Variants in TGM3 observed in about 807,000 individuals in gnomAD.
TGM3 encodes protein-glutamine gamma-glutamyltransferase E.
In TGM3, 52 loss-of-function variants were observed where a neutral mutation model predicts 73.8. The ratio of observed to expected loss-of-function variants is 0.70; its 90% CI spans 0.56 to 0.89. TGM3 has a LOEUF of 0.89. TGM3 is among the 40% of genes least tolerant of loss of function. The pLI is 0.00. For missense variants in TGM3, 928 were observed against 909.9 expected, an observed-to-expected ratio of 1.02 and a Z score of -0.26; for synonymous variants, 372 against 354.9, an observed-to-expected ratio of 1.05 and a Z score of -0.54.
chr20:2,302,491 G>T (rs2084153770), intron 1 of TGM3, among the ~76,000 whole-genome samples: 1 of 152,102 alleles, frequency 6.6e-6, no homozygotes, highest in South Asian at 2.1e-4. Context: ...CGAAAGGCCT[G>T]GAACCAGGCA....
At chr20:2,325,444 A>G (rs2084281418) in intron 7 of TGM3, among the ~76,000 whole-genome samples, 1 of 152,096 alleles carries the variant, frequency 6.6e-6, no homozygotes, top group African/African-American at 2.4e-5. Context: ...ACAGAAGCAT[A>G]CCCCGCCAGG....
At chr20:2,313,154 A>C in intron 5 of TGM3, 128 bp downstream of exon 5, 1 of 1,346,500 alleles carries the variant, frequency 7.4e-7, no homozygotes, top group Non-Finnish European at 1.0e-6. Context: ...GGTGGTTAGA[A>C]CCATCCACAT....
intron 5 of TGM3, 76 bp from the exon 6 acceptor site, chr20:2,316,992 C>T (rs1035508375): frequency 6.5e-7 from 1 of 1,543,026 alleles, no homozygotes; most frequent in Admixed American, 1.7e-5. Flanking sequence ...CCACCTTGTC[C>T]TCTGAATTCT....
chr20:2,335,779 A>G (rs1220327966), intron 11 of TGM3, among the ~76,000 whole-genome samples: 1 of 152,114 alleles, frequency 6.6e-6, no homozygotes, highest in Admixed American at 6.5e-5. Flanking sequence ...AATAGGCCTG[A>G]CCCACAGCAT....
In TGM3 at chr20:2,340,530, C is replaced by T; in HGVS notation, c.2031C>T (p.Cys677=). ...GTKQLLADFS[C]NKFPAIKAML... is the part of the protein sequence containing the mutation. ...AGCAACTGCTCGCCGACTTCTCCTGCAACAAGTTCCCTGCAATCAAGGCCA... is the reference window on the plus strand; with the variant it reads ...AGCAACTGCTCGCCGACTTCTCCTGTAACAAGTTCCCTGCAATCAAGGCCA... The change falls in exon 13 of 13, where the codon TGC becomes TGT. Residue 677 remains cysteine (C), a synonymous_variant. Coordinates refer to ENST00000381458, the MANE Select transcript of TGM3 (RefSeq NM_003245.4). 1 of 1,614,204 alleles carries T rather than the reference C, an allele frequency of 6.2e-7. No homozygotes were observed. The highest frequency in any genetic ancestry group is 8.5e-7 in the Non-Finnish European group (1 of 1,180,038).
At chr20:2,322,991 C>T (rs1306914391) in intron 7 of TGM3, among the ~76,000 whole-genome samples, 1 of 152,130 alleles carries the variant, frequency 6.6e-6, no homozygotes, top group Non-Finnish European at 1.5e-5. Flanking sequence ...AGACTTTCTC[C>T]AATGTTTTAT....
intron 4 of TGM3, 142 bp downstream of exon 4, chr20:2,311,271 T>C: frequency 1.5e-6 from 1 of 688,074 alleles, no homozygotes; most frequent in South Asian, 1.7e-5. Context: ...AGACTTTCAT[T>C]GGCCACCTAT....
intron 7 of TGM3, among the ~76,000 whole-genome samples, chr20:2,324,684 G>C (rs1418900973): frequency 6.6e-6 from 1 of 152,170 alleles, no homozygotes; most frequent in African/African-American, 2.4e-5. Context: ...CAGCAACCCA[G>C]GTTGGTTCAG....
At chr20:2,320,725 G>A (rs2084258281) in intron 7 of TGM3, among the ~76,000 whole-genome samples, 1 of 152,166 alleles carries the variant, frequency 6.6e-6, no homozygotes, top group Non-Finnish European at 1.5e-5. Flanking sequence ...AGCTTAGTTT[G>A]GGATGCTTCT....
At position 2,311,037 on chromosome 20, in the gene TGM3, G is replaced by T. The variant is rs927545164; in HGVS notation, c.448G>T (p.Ala150Ser). The change falls in exon 4 of 13, where the codon GCT becomes TCT. Residue 150 changes from alanine (A) to serine (S), a missense_variant. Coordinates refer to ENST00000381458, the MANE Select transcript of TGM3 (RefSeq NM_003245.4). The stretch of plus-strand genomic sequence containing the variant: ...GGATAGCGTCTTTATGGGTAACCAC[G>T]CTGAGAGAGAAGAGTATGTTCAGGA... ...NVDSVFMGNH[A>S]EREEYVQEDA... 4 of 1,614,064 alleles carry T rather than the reference G, an allele frequency of 2.5e-6. No individual in the cohort carries two copies. The South Asian group carries it at 3.3e-5, about 13-fold the overall frequency.
chr20:2,336,412 T>C (rs1431702326), intron 11 of TGM3, among the ~76,000 whole-genome samples: 2 of 152,028 alleles, frequency 1.3e-5, no homozygotes, highest in African/African-American at 4.8e-5. Context: ...GTTGTCTAGA[T>C]AGAAATTGCC....
chr20:2,315,138 C>T (rs2084226578), intron 5 of TGM3, among the ~76,000 whole-genome samples: 1 of 152,166 alleles, frequency 6.6e-6, no homozygotes, highest in Non-Finnish European at 1.5e-5. Context: ...GTCTCTTTGG[C>T]CTAGGAGAGA....
intron 8 of TGM3, among the ~76,000 whole-genome samples, chr20:2,327,062 T>C (rs2084291936): frequency 6.6e-6 from 1 of 152,124 alleles, no homozygotes; most frequent in African/African-American, 2.4e-5. Flanking sequence ...TTGCAACCCA[T>C]TAGTGGTTAT....
chr20:2,318,030 T>C (rs898810558), intron 7 of TGM3, among the ~76,000 whole-genome samples: 4 of 151,508 alleles, frequency 2.6e-5, no homozygotes, highest in African/African-American at 7.3e-5. Flanking sequence ...AAAACAATTA[T>C]TTTTTTGAGA....
rs931942188 is a variant in TGM3 at position 2,340,830 on chromosome 20, T to G, written c.*249T>G. 1.3e-5 allele frequency: 8 copies of G among 629,036 alleles called. No individual in the cohort carries two copies. Among genetic ancestry groups the G allele is most frequent in the Admixed American group, 2.1e-5 (1 of 47,434 alleles). 39.0% of individuals were successfully genotyped at this position (629,036 alleles called of 1,614,324 possible). On this transcript the variant is annotated 3_prime_UTR_variant, in exon 13 of 13. Transcript: ENST00000381458. ...GCCGCTTCTCCCCAGAGCTGCCTGC[T>G]CTGTGAGCCCCACAGCCCTGCTCAT... is the stretch of plus-strand genomic sequence containing the variant.
intron 7 of TGM3, among the ~76,000 whole-genome samples, chr20:2,319,595 G>A (rs1218092046): frequency 6.6e-6 from 1 of 152,226 alleles, no homozygotes; most frequent in Non-Finnish European, 1.5e-5. Context: ...ACAAGTAGGA[G>A]CTGATGGAGA....
chr20:2,317,779 T>C (rs1233270583), intron 7 of TGM3, among the ~76,000 whole-genome samples: 1 of 152,006 alleles, frequency 6.6e-6, no homozygotes, highest in Non-Finnish European at 1.5e-5. Context: ...ATGGGATCCA[T>C]TGGACCTTAT....
At chr20:2,310,958 C>T in intron 3 of TGM3, 53 bp from the exon 4 acceptor site, 1 of 1,511,912 alleles carries the variant, frequency 6.6e-7, no homozygotes, top group Non-Finnish European at 9.2e-7. Context: ...GGAACGATCC[C>T]TACAGTCCTC....
At chr20:2,315,638 C>A (rs907385668) in intron 5 of TGM3, among the ~76,000 whole-genome samples, 4 of 152,222 alleles carry the variant, frequency 2.6e-5, no homozygotes, top group Non-Finnish European at 2.9e-5. Context: ...TTCAGAGATC[C>A]TGGTCCAGCC....
Sources: gnomAD v4.1 joint callset for allele counts (sites outside exome capture counted in the v4.1 genomes callset) on GRCh38, gnomAD v4.1.1 for gene constraint, MANE v1.5 for transcripts, NCBI Gene and HGNC (gene_info 2026-07-23, HGNC 2026-07-21) for gene names.